LPA: variants seen among roughly 807,000 people sequenced by gnomAD.
The protein encoded by LPA is lipoprotein(a).
LPA carries 199 observed loss-of-function variants against 197.9 expected under a neutral mutation model. The ratio of observed to expected loss-of-function variants is 1.01; its 90% CI spans 0.90 to 1.13. The LOEUF (loss-of-function observed/expected upper bound fraction) is 1.13, where lower values mean the gene tolerates loss of function less well. Among genes scored for constraint, LPA ranks in the 50% most tolerant of loss-of-function variants. The pLI, the probability that LPA is intolerant of heterozygous loss-of-function variation, is 0.00. For synonymous variants in LPA, 715 were observed against 639.5 expected (o/e 1.12, Z -1.78); for missense variants, 1,853 against 1,785.8 (o/e 1.04, Z -0.68).
At chr6:160,608,534 T>A (rs1017912074) in intron 16 of LPA, among the ~76,000 whole-genome samples, 7 of 152,182 alleles carry the variant, frequency 4.6e-5, no homozygotes, top group African/African-American at 1.7e-4. Context: ...TATTATATCT[T>A]TGTCTTCTTA....
chr6:160,604,770 T>C (rs554353815), intron 18 of LPA, among the ~76,000 whole-genome samples: 1 of 152,202 alleles, frequency 6.6e-6, no homozygotes, highest in Non-Finnish European at 1.5e-5. Context: ...AAGGGTACTC[T>C]AAGAGTTTCA....
chr6:160,601,174 G>A (rs547550927), intron 18 of LPA, 76 bp from the exon 19 acceptor site: 22 of 1,252,112 alleles, frequency 1.8e-5, no homozygotes, highest in Admixed American at 1.0e-4. Flanking sequence ...GCTACAACAA[G>A]GTCATTACTG....
chr6:160,571,174 T>C (rs1179516732), intron 28 of LPA, among the ~76,000 whole-genome samples: 2 of 152,192 alleles, frequency 1.3e-5, no homozygotes, highest in African/African-American at 4.8e-5. Flanking sequence ...TTGATACTTG[T>C]GTATGTGTCA....
chr6:160,579,014 T>C (rs1778739723), intron 26 of LPA, among the ~76,000 whole-genome samples: 1 of 152,192 alleles, frequency 6.6e-6, no homozygotes, highest in African/African-American at 2.4e-5. Flanking sequence ...GCCAAATACT[T>C]TCCTCCAGAA....
At chr6:160,563,457 G>A (rs933077269) in intron 28 of LPA, among the ~76,000 whole-genome samples, 4 of 152,112 alleles carry the variant, frequency 2.6e-5, no homozygotes, top group South Asian at 2.1e-4. Flanking sequence ...TCCATTCTAC[G>A]GCATTTGCTG....
At chr6:160,634,763 C>A (rs980646547) in intron 7 of LPA, among the ~76,000 whole-genome samples, 2 of 151,590 alleles carry the variant, frequency 1.3e-5, no homozygotes, top group African/African-American at 4.9e-5. Flanking sequence ...TGACTGCTGG[C>A]TACTTGAAGA....
rs193105194 is a variant in LPA, at chr6:160,589,283, A to G, written c.3947+270T>C. Among the ~76,000 whole-genome samples, 468 of 152,348 alleles carry G rather than the reference A, an allele frequency of 3.1e-3. 3 individuals carry two copies. The highest frequency in any genetic ancestry group is 3.8e-3 in the Admixed American group (58 of 15,300). ...TTGTGGAATGGTGCTATTTCTAAGCACATGGTCATATGTTCTTCTGAGCTT... is the reference window on the plus strand; with the variant it reads ...TTGTGGAATGGTGCTATTTCTAAGCGCATGGTCATATGTTCTTCTGAGCTT... On this transcript the variant is annotated intron_variant, in intron 24 of 38. Transcript: ENST00000316300.
chr6:160,596,384 T>A (rs1779132672), intron 20 of LPA, among the ~76,000 whole-genome samples: 2 of 151,556 alleles, frequency 1.3e-5, no homozygotes, highest in African/African-American at 4.9e-5. Flanking sequence ...TTTCCTTGGC[T>A]CTTATTTGCT....
chr6:160,573,837 C>A (rs965375716), intron 28 of LPA, among the ~76,000 whole-genome samples: 16 of 152,218 alleles, frequency 1.1e-4, no homozygotes, highest in African/African-American at 3.9e-4. Context: ...GAGGAGGGTG[C>A]AATGGACTCC....
intron 34 of LPA, among the ~76,000 whole-genome samples, chr6:160,541,516 C>T (rs1352606074): frequency 6.6e-6 from 1 of 152,206 alleles, no homozygotes; most frequent in African/African-American, 2.4e-5. Context: ...GTGACCAGCC[C>T]AAGACCTTCC....
At chr6:160,565,475 G>A (rs1181725956) in intron 28 of LPA, among the ~76,000 whole-genome samples, 2 of 152,134 alleles carry the variant, frequency 1.3e-5, no homozygotes, top group South Asian at 4.1e-4. Context: ...ACTGTTAGAA[G>A]GAAAACTAAC....
At chr6:160,567,362 A>G (rs1411566748) in intron 28 of LPA, among the ~76,000 whole-genome samples, 1 of 152,230 alleles carries the variant, frequency 6.6e-6, no homozygotes, top group African/African-American at 2.4e-5. Context: ...GCTCAACTAT[A>G]TGGAAACTGA....
intron 28 of LPA, among the ~76,000 whole-genome samples, chr6:160,576,390 G>GTATATATATA (rs140486548): frequency 2.2e-5 from 1 of 46,104 alleles, no homozygotes; most frequent in Non-Finnish European, 4.1e-5. Context: ...ATATATATAT[G>GTATATATATA]TATATATATA....
At chr6:160,574,818 A>G (rs1778625667) in intron 28 of LPA, among the ~76,000 whole-genome samples, 1 of 152,004 alleles carries the variant, frequency 6.6e-6, no homozygotes, top group Admixed American at 6.6e-5. Flanking sequence ...TCCTCTCAGG[A>G]TTGCTGGTCT....
At chr6:160,611,148 A>G (rs1278463392) in intron 16 of LPA, among the ~76,000 whole-genome samples, 1 of 152,138 alleles carries the variant, frequency 6.6e-6, no homozygotes, top group Non-Finnish European at 1.5e-5. Flanking sequence ...GTCCATAAGT[A>G]AGCACATAAA....
chr6:160,589,427 GACATTCTGTCCA>G, intron 24 of LPA, 114 bp downstream of exon 24: 4 of 1,134,050 alleles, frequency 3.5e-6, no homozygotes, highest in Non-Finnish European at 5.2e-6. Flanking sequence ...AGAAGCCTGA[GACATTCTGTCCA>G]ACATTCTGGG....
chr6:160,657,645 C>T lies in LPA; in HGVS notation c.49+6521G>A, dbSNP rs371122292. On this transcript the variant is annotated intron_variant, in intron 1 of 38. Transcript: ENST00000316300. ...ATCTCCTGATCTCGTGATCTGCCCGCCCCCGCCTCCCAAGGTGCTGGGATT... is the reference window on the plus strand; with the variant it reads ...ATCTCCTGATCTCGTGATCTGCCCGTCCCCGCCTCCCAAGGTGCTGGGATT... 3.9e-4 allele frequency among the ~76,000 whole-genome samples: 60 copies of T among 152,274 alleles called. No homozygotes were observed. The East Asian group carries it at 0.011, about 28-fold the overall frequency.
At chr6:160,604,984 A>ATT in intron 18 of LPA, 62 bp downstream of exon 18, 1 of 1,605,906 alleles carries the variant, frequency 6.2e-7, no homozygotes, top group Non-Finnish European at 8.5e-7. Flanking sequence ...TTGAAGCATG[A>ATT]CTCTACTAAC....
intron 24 of LPA, 65 bp downstream of exon 24, chr6:160,589,488 A>G: frequency 1.3e-6 from 2 of 1,576,148 alleles, no homozygotes; most frequent in Admixed American, 1.7e-5. Flanking sequence ...AGCTGGAAGC[A>G]TGGCTCTTCC....
Sources: gnomAD v4.1 joint callset for allele counts (sites outside exome capture counted in the v4.1 genomes callset) on GRCh38, gnomAD v4.1.1 for gene constraint, MANE v1.5 for transcripts, NCBI Gene and HGNC (gene_info 2026-07-23, HGNC 2026-07-21) for gene names.